The following NTRK3 variants were observed in gnomAD, a reference collection of about 807,000 sequenced individuals.
NTRK3 encodes neurotrophic receptor tyrosine kinase 3.
In NTRK3, 24 loss-of-function variants were observed where a neutral mutation model predicts 91.7. That is an observed-to-expected ratio of 0.26 (90% confidence interval 0.19 to 0.37). The LOEUF is 0.37. Among genes scored for constraint, NTRK3 ranks in the 10% least tolerant of loss-of-function variants. The pLI is 1.00. For synonymous variants in NTRK3, 483 were observed against 404.0 expected, an observed-to-expected ratio of 1.20 and a Z score of -2.34; for missense variants, 880 against 1,068.9, an observed-to-expected ratio of 0.82 and a Z score of 2.46.
At chr15:87,966,331 C>T (rs547223350) in intron 14 of NTRK3, among the ~76,000 whole-genome samples, 1 of 152,266 alleles carries the variant, frequency 6.6e-6, no homozygotes, top group African/African-American at 2.4e-5. Context: ...ATCCTCCTGC[C>T]CTGCGAAATT....
chr15:88,137,638 G>C, intron 6 of NTRK3, 77 bp from the exon 7 acceptor site: 1 of 1,494,036 alleles, frequency 6.7e-7, no homozygotes, highest in Non-Finnish European at 9.2e-7. Flanking sequence ...ATGAGGACAA[G>C]GGGGACCCGA....
chr15:88,116,056 C>A lies in NTRK3; in HGVS notation c.1396+10215G>T, dbSNP rs1597399462. ...AGCTCTGAGCTGGGAATGCTGGCTA[C>A]CCACTGCCTGCTAGCCTCTCTGAGC... On this transcript the variant is annotated intron_variant, in intron 13 of 18. Coordinates refer to ENST00000394480, the Ensembl canonical transcript of NTRK3. Among the ~76,000 whole-genome samples the A allele has an allele frequency of 3.3e-5, 5 of 152,266 alleles. No individual in the cohort carries two copies. The South Asian group carries it at 1.0e-3, about 32-fold the overall frequency.
chr15:88,130,541 C>A (rs1037683682), intron 10 of NTRK3, among the ~76,000 whole-genome samples: 1 of 151,960 alleles, frequency 6.6e-6, no homozygotes, highest in Non-Finnish European at 1.5e-5. Flanking sequence ...AGTCAACACC[C>A]CCAGTACCAA....
intron 14 of NTRK3, among the ~76,000 whole-genome samples, chr15:87,985,723 CA>C (rs1056705457): frequency 2.0e-5 from 3 of 152,130 alleles, no homozygotes; most frequent in African/African-American, 7.2e-5. Flanking sequence ...CAGGAAGTCA[CA>C]GGGGGAGGAC....
chr15:87,976,140 C>A (rs978671266), intron 14 of NTRK3, among the ~76,000 whole-genome samples: 2 of 152,134 alleles, frequency 1.3e-5, no homozygotes, highest in Admixed American at 1.3e-4. Flanking sequence ...TCCCTCGAAC[C>A]AGTGCATGTC....
intron 14 of NTRK3, among the ~76,000 whole-genome samples, chr15:87,969,960 A>G (rs373961302): frequency 6.6e-6 from 1 of 152,160 alleles, no homozygotes; most frequent in Admixed American, 6.5e-5. Flanking sequence ...TGCCTTATAC[A>G]CAACATATTC....
At chr15:88,054,029 TA>T (rs980455053) in intron 13 of NTRK3, among the ~76,000 whole-genome samples, 7 of 152,206 alleles carry the variant, frequency 4.6e-5, no homozygotes, top group African/African-American at 1.7e-4. Context: ...AAGGGGAAAA[TA>T]AAGCCGATAA....
At chr15:88,148,685 G>A (rs1223069232) in intron 5 of NTRK3, among the ~76,000 whole-genome samples, 1 of 152,176 alleles carries the variant, frequency 6.6e-6, no homozygotes, top group East Asian at 1.9e-4. Context: ...TGATATTAAA[G>A]AGTGGTGGGA....
At chr15:88,041,353 A>T (rs1353231249) in intron 13 of NTRK3, among the ~76,000 whole-genome samples, 1 of 152,212 alleles carries the variant, frequency 6.6e-6, no homozygotes. Flanking sequence ...CCCAACTCAG[A>T]AGCCCTCTTG....
At chr15:87,928,610 T>C (rs1007906317) in intron 17 of NTRK3, 4 of 164,682 alleles carry the variant, frequency 2.4e-5, no homozygotes, top group East Asian at 3.4e-4. Context: ...CTCTCCAAAG[T>C]TGGCAACAGA....
chr15:87,919,935 T>C (rs1048568122), intron 17 of NTRK3, among the ~76,000 whole-genome samples: 19 of 152,222 alleles, frequency 1.2e-4, no homozygotes, highest in African/African-American at 4.3e-4. Context: ...CCTTTGGCCA[T>C]GTCCCCCTCC....
chr15:88,155,540 T>C (rs751010842), intron 5 of NTRK3, among the ~76,000 whole-genome samples: 4 of 152,216 alleles, frequency 2.6e-5, no homozygotes, highest in Non-Finnish European at 4.4e-5. Context: ...AATGAGCAAC[T>C]AATAGGGCCA....
intron 14 of NTRK3, among the ~76,000 whole-genome samples, chr15:88,021,013 A>T (rs78389478): frequency 2.6e-5 from 4 of 152,136 alleles, no homozygotes; most frequent in African/African-American, 4.8e-5. Context: ...AAGAGGCAGC[A>T]GATCTGCCTG....
In NTRK3 at chr15:87,943,596, T is replaced by G. The variant is rs540131192; in HGVS notation, c.1586-2843A>C. On this transcript the variant is annotated intron_variant, in intron 14 of 18. Transcript: ENST00000394480. ...ACTCCCAGCTACAATTAGTGCAAAA[T>G]GGGAATGGAGGAACTTTAAAGAGAA... is the stretch of plus-strand genomic sequence containing the variant. Among the ~76,000 whole-genome samples the G allele has an allele frequency of 3.3e-5, 5 of 152,052 alleles. No individual in the cohort carries two copies. In the South Asian group the frequency reaches 1.0e-3, roughly 32 times the overall value.
chr15:88,246,928 G>A (rs781680739), intron 3 of NTRK3, among the ~76,000 whole-genome samples: 4 of 151,336 alleles, frequency 2.6e-5, no homozygotes, highest in Non-Finnish European at 5.9e-5. Context: ...CCAGGCTAGC[G>A]CCACACGCCC....
intron 17 of NTRK3, among the ~76,000 whole-genome samples, chr15:87,904,145 A>G (rs2141674830): frequency 7.3e-6 from 1 of 136,154 alleles, no homozygotes; most frequent in African/African-American, 2.8e-5. Flanking sequence ...GAATGAAACT[A>G]CAATAAGCAT....
chr15:87,980,090 C>T (rs11073755), intron 14 of NTRK3, among the ~76,000 whole-genome samples: 91,402 of 151,974 alleles, frequency 0.6, 28,319 homozygotes, highest in East Asian at 0.78. Flanking sequence ...TGAGCCTTGC[C>T]ATCTTTCCAA....
rs748777021 is a variant in NTRK3, at chr15:88,137,384, C to T, written c.622+20G>A. ...GGATGCCTCCCTGGAGCCAGCTGGG[C>T]CAGGCGGCCACTCACTCACCACACT... On this transcript the variant is annotated intron_variant, in intron 7 of 18. Coordinates refer to ENST00000394480, the Ensembl canonical transcript of NTRK3. The T allele has an allele frequency of 6.2e-7, 1 of 1,612,538 alleles. No individual in the cohort carries two copies. Among genetic ancestry groups the T allele is most frequent in the South Asian group, 1.1e-5 (1 of 91,048 alleles).
intron 13 of NTRK3, among the ~76,000 whole-genome samples, chr15:88,037,152 A>G (rs1410161289): frequency 6.6e-6 from 1 of 152,252 alleles, no homozygotes; most frequent in African/African-American, 2.4e-5. Context: ...GAATAAAGCC[A>G]GACATCAGAG....
Sources: gnomAD v4.1 joint callset for allele counts (sites outside exome capture counted in the v4.1 genomes callset) on GRCh38, gnomAD v4.1.1 for gene constraint, MANE v1.5 for transcripts, NCBI Gene and HGNC (gene_info 2026-07-23, HGNC 2026-07-21) for gene names.